HTR4: variants seen among roughly 807,000 people sequenced by gnomAD.
HTR4 encodes the protein 5-hydroxytryptamine (serotonin) receptor 4, G protein-coupled.
Under a neutral mutation model 36.8 loss-of-function variants are expected in HTR4, and 16 were observed. The observed-to-expected ratio is 0.43, with a 90% confidence interval of 0.29 to 0.66. The LOEUF (loss-of-function observed/expected upper bound fraction) is 0.66, where lower values mean the gene tolerates loss of function less well. Among genes scored for constraint, HTR4 ranks in the 30% least tolerant of loss-of-function variants. HTR4 has a pLI of 0.13. For synonymous variants in HTR4, 189 were observed against 185.1 expected, an observed-to-expected ratio of 1.02 and a Z score of -0.17; for missense variants, 438 against 490.9, an observed-to-expected ratio of 0.89 and a Z score of 1.02.
chr5:148,622,309 G>A (rs1421839360), intron 2 of HTR4, among the ~76,000 whole-genome samples: 1 of 152,106 alleles, frequency 6.6e-6, no homozygotes, highest in Non-Finnish European at 1.5e-5. Flanking sequence ...ACTGCTTTGT[G>A]GACTAATCTT....
At chr5:148,459,012 C>T (rs780258882) in intron 5 of HTR4, among the ~76,000 whole-genome samples, 6 of 152,104 alleles carry the variant, frequency 3.9e-5, no homozygotes, top group African/African-American at 7.2e-5. Flanking sequence ...TTTATTATCT[C>T]GCATTTCTGG....
At chr5:148,567,379 T>A (rs1760488319) in intron 2 of HTR4, among the ~76,000 whole-genome samples, 1 of 152,134 alleles carries the variant, frequency 6.6e-6, no homozygotes, top group African/African-American at 2.4e-5. Context: ...TGTCTTCAAT[T>A]TCCTGCCCTT....
At chr5:148,512,700 G>A (rs1009780362) in intron 5 of HTR4, among the ~76,000 whole-genome samples, 15 of 152,234 alleles carry the variant, frequency 9.9e-5, no homozygotes, top group Non-Finnish European at 1.9e-4. Flanking sequence ...TGAGGCCGAG[G>A]TAGGCAAATC....
chr5:148,472,812 C>T (rs542035466), downstream of HTR4, among the ~76,000 whole-genome samples: 1 of 152,218 alleles, frequency 6.6e-6, no homozygotes, highest in South Asian at 2.1e-4. Flanking sequence ...CTGAATTGGG[C>T]ACTGTGTTGT....
intron 2 of HTR4, among the ~76,000 whole-genome samples, chr5:148,631,278 T>A (rs1753311538): frequency 6.6e-6 from 1 of 152,136 alleles, no homozygotes; most frequent in African/African-American, 2.4e-5. Flanking sequence ...TTATTCTCAT[T>A]TACATTTCTA....
chr5:148,618,410 C>T (rs1026801082), intron 2 of HTR4, among the ~76,000 whole-genome samples: 2 of 152,170 alleles, frequency 1.3e-5, no homozygotes, highest in Admixed American at 6.6e-5. Flanking sequence ...GCTTATGGAC[C>T]GTATCAACCA....
At chr5:148,631,080 A>G in intron 2 of HTR4, among the ~76,000 whole-genome samples, 1 of 152,134 alleles carries the variant, frequency 6.6e-6, no homozygotes, top group East Asian at 1.9e-4. Flanking sequence ...ATTGCTTTCA[A>G]AATATAAATG....
At chr5:148,512,470 TTC>T (rs1389450135) in intron 5 of HTR4, among the ~76,000 whole-genome samples, 1 of 152,212 alleles carries the variant, frequency 6.6e-6, no homozygotes, top group Admixed American at 6.5e-5. Context: ...AATATAATAG[TTC>T]TTTTATATTC....
intron 2 of HTR4, among the ~76,000 whole-genome samples, chr5:148,594,512 C>T (rs1332869969): frequency 6.6e-6 from 1 of 152,096 alleles, no homozygotes; most frequent in East Asian, 1.9e-4. Context: ...CTAGCCAGAA[C>T]ATTGCTTCCA....
At chr5:148,637,572 A>G (rs961579429) in intron 1 of HTR4, among the ~76,000 whole-genome samples, 1 of 152,168 alleles carries the variant, frequency 6.6e-6, no homozygotes, top group South Asian at 2.1e-4. Flanking sequence ...ACACACATGC[A>G]CACTTTCCAG....
intron 4 of HTR4, among the ~76,000 whole-genome samples, chr5:148,525,668 A>C (rs1041865921): frequency 3.3e-5 from 5 of 152,154 alleles, no homozygotes; most frequent in African/African-American, 1.2e-4. Context: ...CTTACCCATC[A>C]AGTCCTCACT....
chr5:148,596,495 C>G (rs989641831), intron 2 of HTR4, among the ~76,000 whole-genome samples: 1 of 152,194 alleles, frequency 6.6e-6, no homozygotes, highest in African/African-American at 2.4e-5. Flanking sequence ...GTCTCTAGCT[C>G]AGCGTTTCCC....
At chr5:148,640,852 C>T (rs1181728656) in intron 1 of HTR4, among the ~76,000 whole-genome samples, 4 of 152,170 alleles carry the variant, frequency 2.6e-5, no homozygotes, top group Non-Finnish European at 5.9e-5. Flanking sequence ...GAAAATGTTA[C>T]AACACAAGGA....
At chr5:148,641,023 C>T (rs74883357) in intron 1 of HTR4, among the ~76,000 whole-genome samples, 1,907 of 152,218 alleles carry the variant, frequency 0.013, 88 homozygotes, top group Admixed American at 0.095. Flanking sequence ...AGTACCTATC[C>T]TAATTTGATT....
downstream of HTR4, chr5:148,476,680 G>A: frequency 2.5e-6 from 4 of 1,592,106 alleles, no homozygotes; most frequent in South Asian, 4.5e-5. Context: ...ACAAAAACCT[G>A]TGTTGGGCAC....
At chr5:148,592,632 G>T (rs1057283615) in intron 2 of HTR4, among the ~76,000 whole-genome samples, 2 of 151,496 alleles carry the variant, frequency 1.3e-5, no homozygotes, top group African/African-American at 4.8e-5. Context: ...TTCTACTTAG[G>T]ACTCATTGTT....
chr5:148,598,278 C>T (rs1225058846), intron 2 of HTR4, among the ~76,000 whole-genome samples: 2 of 152,124 alleles, frequency 1.3e-5, no homozygotes, highest in African/African-American at 4.8e-5. Context: ...GGCACAGTGG[C>T]TCATGCCTGT....
intron 2 of HTR4, among the ~76,000 whole-genome samples, chr5:148,586,352 C>T (rs1409542791): frequency 6.6e-6 from 1 of 151,844 alleles, no homozygotes; most frequent in Non-Finnish European, 1.5e-5. Context: ...ATGAATAAAT[C>T]CTGGAGCCAT....
intron 4 of HTR4, among the ~76,000 whole-genome samples, chr5:148,545,314 A>G (rs1759333604): frequency 6.6e-6 from 1 of 152,254 alleles, no homozygotes; most frequent in Non-Finnish European, 1.5e-5. Context: ...TCTCACAAAG[A>G]GAACGTGCTG....
Sources: allele counts gnomAD v4.1 joint callset (sites outside exome capture counted in the v4.1 genomes callset), GRCh38; gene constraint gnomAD v4.1.1; transcripts MANE v1.5; gene names NCBI Gene and HGNC (gene_info 2026-07-23, HGNC 2026-07-21).